DCAF8L2: variants seen among roughly 807,000 people sequenced by gnomAD.
DCAF8L2 encodes DDB1 and CUL4 associated factor 8 like 2.
For synonymous variants in DCAF8L2, 200 were observed against 190.9 expected (o/e 1.05, Z -0.39); for missense variants, 430 against 490.7 (o/e 0.88, Z 1.17).
intron 2 of DCAF8L2, among the ~76,000 whole-genome samples, chrX:27,640,085 C>A (rs1262766282): frequency 1.8e-5 from 2 of 111,350 alleles, no homozygotes; most frequent in Non-Finnish European, 3.8e-5. Context: ...ATCCCTCCCC[C>A]CTCCTCCCAC....
chrX:27,532,688 AGG>A, the DCAF8L2 span, among the ~76,000 whole-genome samples: 3 of 110,143 alleles, frequency 2.7e-5, no homozygotes, highest in Non-Finnish European at 5.7e-5. Context: ...GCTTGAGCCC[AGG>A]AGTTCCAGAC....
chrX:27,539,006 C>CTTTTG, the DCAF8L2 span, among the ~76,000 whole-genome samples: 8 of 111,702 alleles, frequency 7.2e-5, no homozygotes, highest in Non-Finnish European at 1.3e-4. Context: ...ACTGCACTGA[C>CTTTTG]TTTTGTTTTG....
At chrX:27,627,537 T>G (rs5926846) in intron 1 of DCAF8L2, 2,835 of 90,851 alleles carry the variant, frequency 0.031, 122 homozygotes, top group Middle Eastern at 0.068. Context: ...GTTGTTTTTG[T>G]TGTGTGTGTG....
chrX:27,512,509 C>A, the DCAF8L2 span, among the ~76,000 whole-genome samples: 4 of 107,409 alleles, frequency 3.7e-5, no homozygotes, highest in Non-Finnish European at 5.7e-5. Context: ...CATGGTGAAA[C>A]CCTGTCTTTA....
chrX:27,653,560 A>G (rs1011668451), intron 2 of DCAF8L2, among the ~76,000 whole-genome samples: 2 of 111,276 alleles, frequency 1.8e-5, no homozygotes, highest in Non-Finnish European at 3.8e-5. Context: ...TTTTTCTCCA[A>G]TACTTTATAT....
chrX:27,550,331 G>A, the DCAF8L2 span, among the ~76,000 whole-genome samples: 1 of 111,588 alleles, frequency 9.0e-6, no homozygotes, highest in Non-Finnish European at 1.9e-5. Flanking sequence ...TGTATACATT[G>A]TATAATGATT....
At chrX:27,581,609 A>G in the DCAF8L2 span, among the ~76,000 whole-genome samples, 30 of 101,923 alleles carry the variant, frequency 2.9e-4, no homozygotes, top group East Asian at 3.3e-3. Flanking sequence ...TTTTTTTGAG[A>G]CAGGGTCTTT....
the DCAF8L2 span, among the ~76,000 whole-genome samples, chrX:27,530,634 C>T: frequency 1.1e-4 from 12 of 110,927 alleles, no homozygotes; most frequent in African/African-American, 3.6e-4. Context: ...ATTCACTTTG[C>T]CTACAGGATG....
At chrX:27,546,045 C>A in the DCAF8L2 span, among the ~76,000 whole-genome samples, 13 of 111,845 alleles carry the variant, frequency 1.2e-4, no homozygotes, top group East Asian at 3.7e-3. Flanking sequence ...TGAGAGAAGG[C>A]AAGTCCCTTC....
chrX:27,488,354 C>T, the DCAF8L2 span, among the ~76,000 whole-genome samples: 12 of 111,555 alleles, frequency 1.1e-4, no homozygotes, highest in Non-Finnish European at 1.7e-4. Flanking sequence ...TGTGCTCTTC[C>T]TGAGGCAAAA....
intron 1 of DCAF8L2, among the ~76,000 whole-genome samples, chrX:27,612,144 G>A (rs1444583967): frequency 3.6e-5 from 4 of 111,402 alleles, no homozygotes; most frequent in African/African-American, 1.3e-4. Flanking sequence ...TCTAACTGGC[G>A]TGAGATGGTA....
At chrX:27,636,645 A>G (rs1470869257) in intron 2 of DCAF8L2, among the ~76,000 whole-genome samples, 2 of 111,638 alleles carry the variant, frequency 1.8e-5, no homozygotes, top group Non-Finnish European at 3.8e-5. Context: ...ACACATCTCT[A>G]TTTAATTCTG....
chrX:27,739,675 A>G (rs938892598), intron 4 of DCAF8L2, among the ~76,000 whole-genome samples: 1 of 111,723 alleles, frequency 9.0e-6, no homozygotes, highest in African/African-American at 3.3e-5. Flanking sequence ...TGTTTTCTCA[A>G]TGTTTCGTGG....
chrX:27,536,147 C>G, the DCAF8L2 span, among the ~76,000 whole-genome samples: 9 of 111,935 alleles, frequency 8.0e-5, no homozygotes, highest in Admixed American at 1.9e-4. Flanking sequence ...TACTTATCAC[C>G]TTTTAAATTC....
At chrX:27,688,827 C>G (rs1166586111) in intron 3 of DCAF8L2, among the ~76,000 whole-genome samples, 1 of 111,467 alleles carries the variant, frequency 9.0e-6, no homozygotes, top group African/African-American at 3.3e-5. Context: ...TAAGTAACTA[C>G]ATGGAGGTCT....
the DCAF8L2 span, among the ~76,000 whole-genome samples, chrX:27,529,940 A>G: frequency 9.0e-6 from 1 of 111,731 alleles, no homozygotes; most frequent in Non-Finnish European, 1.9e-5. Flanking sequence ...AACAATAACA[A>G]ATAGAAGAAT....
intron 2 of DCAF8L2, among the ~76,000 whole-genome samples, chrX:27,667,061 C>A (rs1569176670): frequency 1.8e-5 from 2 of 109,524 alleles, no homozygotes; most frequent in African/African-American, 6.7e-5. Context: ...GGTTCAAGAA[C>A]CACACTTGGA....
At chrX:27,484,852 G>A in the DCAF8L2 span, among the ~76,000 whole-genome samples, 1 of 111,223 alleles carries the variant, frequency 9.0e-6, no homozygotes, top group East Asian at 2.8e-4. Context: ...ATGAACAAAG[G>A]CAAAATGATT....
At chrX:27,703,967 G>C (rs1050162331) in intron 3 of DCAF8L2, among the ~76,000 whole-genome samples, 2 of 107,600 alleles carry the variant, frequency 1.9e-5, no homozygotes, top group Non-Finnish European at 3.8e-5. Flanking sequence ...CGCACAATGA[G>C]AAAAAATATT....
Sources: allele counts gnomAD v4.1 joint callset (sites outside exome capture counted in the v4.1 genomes callset), GRCh38; gene constraint gnomAD v4.1.1; transcripts MANE v1.5; gene names NCBI Gene and HGNC (gene_info 2026-07-23, HGNC 2026-07-21).